CCDC148: variants seen among roughly 807,000 people sequenced by gnomAD.
The protein encoded by CCDC148 is coiled-coil domain containing 148, also known as coiled-coil domain-containing protein 148.
In CCDC148, 89 loss-of-function variants were observed where a neutral mutation model predicts 85.7. The ratio of observed to expected loss-of-function variants is 1.04; its 90% CI spans 0.87 to 1.24. CCDC148 has a LOEUF of 1.24. CCDC148 is among the 50% of genes most tolerant of loss of function. The probability of loss-of-function intolerance (pLI) is 0.00; values close to 1 mark genes in which losing one functional copy is unlikely to be tolerated. For synonymous variants in CCDC148, 230 were observed against 213.9 expected (o/e 1.08, Z -0.66); for missense variants, 692 against 671.7 (o/e 1.03, Z -0.33).
At chr2:158,282,712 T>C (rs1281153888) in intron 9 of CCDC148, among the ~76,000 whole-genome samples, 2 of 152,138 alleles carry the variant, frequency 1.3e-5, no homozygotes, top group Non-Finnish European at 1.5e-5. Flanking sequence ...CCCAAGGTAA[T>C]TTATAGATTC....
intron 1 of CCDC148, among the ~76,000 whole-genome samples, chr2:158,398,142 C>A (rs1262954267): frequency 6.6e-6 from 1 of 152,008 alleles, no homozygotes; most frequent in South Asian, 2.1e-4. Context: ...TCTTAGAGAC[C>A]TACAAAGAGA....
intron 1 of CCDC148, chr2:158,366,190 C>T (rs1015849522): frequency 2.8e-5 from 19 of 678,676 alleles, no homozygotes; most frequent in Non-Finnish European, 4.4e-5. Context: ...TGCCATAATG[C>T]TTTTAATTTT....
At chr2:158,288,727 C>T (rs188046281) in intron 9 of CCDC148, 184 of 398,886 alleles carry the variant, frequency 4.6e-4, no homozygotes, top group Non-Finnish European at 6.6e-4. Context: ...GATACCAGTT[C>T]CAAAGTCACT....
rs191812372 is a variant in CCDC148, at chr2:158,302,514, G to A, written c.1110+6919C>T. Among the ~76,000 whole-genome samples the A allele has an allele frequency of 2.0e-4, 31 of 152,206 alleles. No homozygotes were observed. The East Asian group carries it at 4.4e-3, about 22-fold the overall frequency. Reference sequence around the variant, plus strand: ...AAAGACAATTATGAGGGCCGGGAGCGGTGGCTCACACTGGTAATCCCAGGA... The same window carrying A: ...AAAGACAATTATGAGGGCCGGGAGCAGTGGCTCACACTGGTAATCCCAGGA... On this transcript the variant is annotated intron_variant, in intron 9 of 13. Transcript: ENST00000283233.
At chr2:158,292,783 G>A (rs1408481681) in intron 9 of CCDC148, among the ~76,000 whole-genome samples, 7 of 152,110 alleles carry the variant, frequency 4.6e-5, no homozygotes, top group East Asian at 3.8e-4. Context: ...TTAATGGCAC[G>A]GGCAGATTTT....
intron 9 of CCDC148, among the ~76,000 whole-genome samples, chr2:158,279,660 T>C (rs1262317690): frequency 6.6e-6 from 1 of 152,156 alleles, no homozygotes; most frequent in Non-Finnish European, 1.5e-5. Flanking sequence ...TTGGTGTACC[T>C]GAAAGTGACA....
At chr2:158,433,049 A>G (rs1314443364) in intron 1 of CCDC148, among the ~76,000 whole-genome samples, 1 of 139,830 alleles carries the variant, frequency 7.2e-6, no homozygotes, top group Non-Finnish European at 1.5e-5. Context: ...ACCAGCATGA[A>G]AAACATGGCA....
At position 158,309,118 on chromosome 2, in the gene CCDC148, T is replaced by A. The variant is rs112164018; in HGVS notation, c.1110+315A>T. Among the ~76,000 whole-genome samples the A allele has an allele frequency of 7.5e-3, 1,148 of 152,328 alleles. 17 individuals are homozygous for A. The highest frequency in any genetic ancestry group is 0.027 in the African/African-American group (1,104 of 41,566). Reference sequence around the variant, plus strand: ...TTAGATCAGCATTAGACAGTAACTTTATCATTACACTTGCATTTTTGTCTA... The same window carrying A: ...TTAGATCAGCATTAGACAGTAACTTAATCATTACACTTGCATTTTTGTCTA... On this transcript the variant is annotated intron_variant, in intron 9 of 13. Transcript: ENST00000283233.
chr2:158,405,031 C>G (rs2543644), intron 1 of CCDC148, among the ~76,000 whole-genome samples: 14,623 of 152,078 alleles, frequency 0.096, 773 homozygotes, highest in African/African-American at 0.14. Flanking sequence ...GCGTTGTGGG[C>G]AGAATTTTTA....
At chr2:158,237,845 TGAG>T (rs984231166) in intron 10 of CCDC148, among the ~76,000 whole-genome samples, 1 of 151,854 alleles carries the variant, frequency 6.6e-6, no homozygotes, top group African/African-American at 2.4e-5. Flanking sequence ...GATGGAACGG[TGAG>T]GAGTTTACTG....
At chr2:158,252,654 C>A (rs1389338865) in intron 9 of CCDC148, among the ~76,000 whole-genome samples, 1 of 151,676 alleles carries the variant, frequency 6.6e-6, no homozygotes, top group Non-Finnish European at 1.5e-5. Flanking sequence ...TCTCTACCAA[C>A]AGATACTGCT....
intron 7 of CCDC148, among the ~76,000 whole-genome samples, chr2:158,331,232 A>G (rs1042908047): frequency 5.3e-5 from 8 of 152,218 alleles, no homozygotes; most frequent in Admixed American, 2.6e-4. Context: ...GTTTCAAAGA[A>G]CACCTTTATG....
chr2:158,361,307 T>C (rs755422357), intron 1 of CCDC148, among the ~76,000 whole-genome samples: 22 of 151,982 alleles, frequency 1.4e-4, no homozygotes, highest in Non-Finnish European at 2.9e-4. Context: ...AATATTCAAA[T>C]TCAGGAAATA....
chr2:158,327,410 T>C (rs1378687807), intron 7 of CCDC148, among the ~76,000 whole-genome samples: 3 of 152,200 alleles, frequency 2.0e-5, no homozygotes, highest in African/African-American at 7.2e-5. Context: ...GCCTCTGCCA[T>C]GATTAGGAAA....
chr2:158,437,981 A>G (rs1687743887), intron 1 of CCDC148, among the ~76,000 whole-genome samples: 1 of 152,242 alleles, frequency 6.6e-6, no homozygotes, highest in Admixed American at 6.5e-5. Flanking sequence ...AAGAGGATAC[A>G]AACAAATGGA....
At chr2:158,234,886 T>C (rs1278403728) in intron 10 of CCDC148, among the ~76,000 whole-genome samples, 1 of 152,194 alleles carries the variant, frequency 6.6e-6, no homozygotes, top group Non-Finnish European at 1.5e-5. Flanking sequence ...TTTTGGGTGA[T>C]TTTTATTGTA....
At chr2:158,425,050 G>T (rs1160957873) in intron 1 of CCDC148, 1 of 446,578 alleles carries the variant, frequency 2.2e-6, no homozygotes, top group Admixed American at 2.4e-5. Context: ...GGGGGCCCTA[G>T]GGGGTCGTGA....
At chr2:158,327,758 T>A (rs530711297) in intron 7 of CCDC148, among the ~76,000 whole-genome samples, 2 of 152,328 alleles carry the variant, frequency 1.3e-5, no homozygotes, top group East Asian at 1.9e-4. Context: ...AATATCTCTA[T>A]AATTATTCAG....
chr2:158,445,531 A>C (rs1688123006), intron 1 of CCDC148, among the ~76,000 whole-genome samples: 1 of 152,174 alleles, frequency 6.6e-6, no homozygotes, highest in Non-Finnish European at 1.5e-5. Flanking sequence ...CAAAAGAACA[A>C]GATTAAAATA....
Sources: allele counts gnomAD v4.1 joint callset (sites outside exome capture counted in the v4.1 genomes callset), GRCh38; gene constraint gnomAD v4.1.1; transcripts MANE v1.5; gene names NCBI Gene and HGNC (gene_info 2026-07-23, HGNC 2026-07-21).